Variants in KLHL3 observed in about 807,000 individuals in gnomAD.
KLHL3 encodes kelch-like protein 3.
KLHL3 carries 19 observed loss-of-function variants against 70.5 expected under a neutral mutation model. The ratio of observed to expected loss-of-function variants is 0.27; its 90% CI spans 0.19 to 0.40. The LOEUF (loss-of-function observed/expected upper bound fraction) is 0.40, where lower values mean the gene tolerates loss of function less well. Ranked by LOEUF, KLHL3 falls within the 10% of genes least tolerant of loss-of-function variation. The probability of loss-of-function intolerance (pLI) is 1.00; values close to 1 mark genes in which losing one functional copy is unlikely to be tolerated. For synonymous variants in KLHL3, 258 were observed against 290.3 expected, an observed-to-expected ratio of 0.89 and a Z score of 1.13; for missense variants, 512 against 771.1, an observed-to-expected ratio of 0.66 and a Z score of 3.98.
chr5:137,634,234 C>A (rs1750713063), intron 11 of KLHL3, 69 bp from the exon 12 acceptor site: 1 of 1,509,956 alleles, frequency 6.6e-7, no homozygotes, highest in Non-Finnish European at 8.9e-7. Context: ...CAGCTGAAAC[C>A]CTATCTGCAA....
rs192213699 is a variant in KLHL3 at position 137,619,747 on chromosome 5, G to C, written c.*2351C>G. On this transcript the variant is annotated 3_prime_UTR_variant, in exon 15 of 15. Coordinates refer to ENST00000309755, the MANE Select transcript of KLHL3 (RefSeq NM_017415.3). ...CATGGCCTTGGCAGCACGCCCAGTA[G>C]AGGCAGTGCTTTGTAGGGAGGGAGA... 120 of 152,836 alleles carry C rather than the reference G, an allele frequency of 7.9e-4. 2 individuals are homozygous for C. Among genetic ancestry groups the C allele is most frequent in the Non-Finnish European group, 4.3e-4 (29 of 68,088 alleles). 9.5% of individuals were successfully genotyped at this position (152,836 alleles called of 1,614,324 possible). A position where few individuals can be genotyped will look rare whatever the true frequency, so the allele number is the denominator to read the frequency against.
Position 137,706,298 on chromosome 5 carries a change from C to G in KLHL3, c.241+3452G>C, listed in dbSNP as rs1382260783. 1.2e-5 allele frequency: 12 copies of G among 985,450 alleles called. No individual in the cohort carries two copies. The East Asian group carries it at 1.4e-3, about 112-fold the overall frequency. 61.0% of individuals were successfully genotyped at this position (985,450 alleles called of 1,614,324 possible). The stretch of plus-strand genomic sequence containing the variant: ...ATCTAACGAGAGTCAGCCTCTTACT[C>G]TCAGTACACAATGCATTTTACACGT... On this transcript the variant is annotated intron_variant, in intron 3 of 14. Coordinates refer to ENST00000309755, the MANE Select transcript of KLHL3 (RefSeq NM_017415.3).
Position 137,628,344 on chromosome 5 carries a change from T to G in KLHL3, c.1544A>C (p.Asn515Thr). The change falls in exon 13 of 15, where the codon AAT becomes ACT. Residue 515 changes from asparagine to threonine, a missense_variant. Asn to Thr is a moderately conservative substitution (Grantham distance 65, BLOSUM62 0). Coordinates refer to ENST00000309755, the MANE Select transcript of KLHL3 (RefSeq NM_017415.3). ...KSVEVYDPGT[N>T]TWKQVADMNM... ...CATGTCTGCCACTTGCTTCCAGGTA[T>G]TTGTTCCAGGATCGTAAACCTCAAC... 6.2e-7 allele frequency: 1 copy of G among 1,614,050 alleles called. No homozygotes were observed. The highest frequency in any genetic ancestry group is 8.5e-7 in the Non-Finnish European group (1 of 1,179,988).
intron 8 of KLHL3, among the ~76,000 whole-genome samples, chr5:137,641,685 T>C (rs551356913): frequency 1.3e-5 from 2 of 152,250 alleles, no homozygotes; most frequent in African/African-American, 4.8e-5. Context: ...AGATCAACCA[T>C]TTATTCCCCA....
At chr5:137,703,801 T>C (rs540140301) in intron 3 of KLHL3, among the ~76,000 whole-genome samples, 2 of 152,040 alleles carry the variant, frequency 1.3e-5, no homozygotes, top group South Asian at 2.1e-4. Context: ...TGGAAATATC[T>C]TTCTGCTCAA....
chr5:137,640,074 G>T, intron 8 of KLHL3, 97 bp from the exon 9 acceptor site: 1 of 940,598 alleles, frequency 1.1e-6, no homozygotes, highest in Non-Finnish European at 1.7e-6. Flanking sequence ...AGGGTGTGTG[G>T]ATGATCTGAG....
At position 137,677,525 on chromosome 5, in the gene KLHL3, C is replaced by T. The variant is rs1279570661; in HGVS notation, c.636+20G>A. 1 of 1,441,248 alleles carries T rather than the reference C, an allele frequency of 6.9e-7. No individual in the cohort carries two copies. The highest frequency in any genetic ancestry group is 1.4e-5 in the African/African-American group (1 of 70,104). 89.3% of individuals were successfully genotyped at this position (1,441,248 alleles called of 1,614,324 possible). A position where few individuals can be genotyped will look rare whatever the true frequency, so the allele number is the denominator to read the frequency against. On this transcript the variant is annotated intron_variant, in intron 6 of 14. Coordinates refer to ENST00000309755, the MANE Select transcript of KLHL3 (RefSeq NM_017415.3). ...ACCTGACGAGTGAGGTTCCCGTTTC[C>T]CCAGTGAGCCATGTCATACCTTCTC... is the stretch of plus-strand genomic sequence containing the variant.
chr5:137,732,807 T>G (rs1753201072), intron 1 of KLHL3, among the ~76,000 whole-genome samples: 1 of 152,210 alleles, frequency 6.6e-6, no homozygotes, highest in Non-Finnish European at 1.5e-5. Flanking sequence ...TTGTACCATT[T>G]AATCTTCACA....
intron 13 of KLHL3, among the ~76,000 whole-genome samples, chr5:137,627,614 C>G (rs1750510084): frequency 6.6e-6 from 1 of 152,046 alleles, no homozygotes; most frequent in Non-Finnish European, 1.5e-5. Context: ...TAAGCCAACA[C>G]TTTCCTAAAG....
At chr5:137,665,109 T>TG (rs1426453886) in intron 6 of KLHL3, among the ~76,000 whole-genome samples, 1 of 152,218 alleles carries the variant, frequency 6.6e-6, no homozygotes, top group South Asian at 2.1e-4. Context: ...GACAACTCTA[T>TG]GTTTGCAACA....
At chr5:137,654,527 C>T (rs13172256) in intron 8 of KLHL3, among the ~76,000 whole-genome samples, 53,630 of 152,056 alleles carry the variant, frequency 0.35, 10,173 homozygotes, top group East Asian at 0.54. Flanking sequence ...TCATTTCCCT[C>T]AGCATACCCT....
At chr5:137,651,891 C>A (rs1004890254) in intron 8 of KLHL3, among the ~76,000 whole-genome samples, 1 of 152,058 alleles carries the variant, frequency 6.6e-6, no homozygotes, top group Non-Finnish European at 1.5e-5. Flanking sequence ...CAGAAATAGA[C>A]GAACACATAT....
intron 10 of KLHL3, 77 bp from the exon 11 acceptor site, chr5:137,637,472 G>T: frequency 7.7e-7 from 1 of 1,303,168 alleles, no homozygotes; most frequent in Non-Finnish European, 1.1e-6. Flanking sequence ...GAGGATGGGG[G>T]AGGAGTCCAA....
intron 3 of KLHL3, chr5:137,706,287 A>G: frequency 2.0e-6 from 2 of 985,484 alleles, no homozygotes; most frequent in Non-Finnish European, 2.4e-6. Context: ...AACGAGAGTC[A>G]GCCTCTTACT....
chr5:137,622,660 C>T (rs1750342875), intron 14 of KLHL3, among the ~76,000 whole-genome samples: 1 of 152,214 alleles, frequency 6.6e-6, no homozygotes, highest in Admixed American at 6.5e-5. Context: ...GCTCAGTTCC[C>T]ACACAAATGT....
chr5:137,651,897 C>T (rs1751210712), intron 8 of KLHL3, among the ~76,000 whole-genome samples: 1 of 152,132 alleles, frequency 6.6e-6, no homozygotes, highest in African/African-American at 2.4e-5. Flanking sequence ...TAGACGAACA[C>T]ATATACAGTC....
chr5:137,621,759 T>C lies in KLHL3; in HGVS notation c.*339A>G, dbSNP rs1750307714. 3.4e-6 allele frequency: 1 copy of C among 293,030 alleles called. No individual in the cohort carries two copies. The highest frequency in any genetic ancestry group is 5.7e-5 in the East Asian group (1 of 17,644). 18.2% of individuals were successfully genotyped at this position (293,030 alleles called of 1,614,324 possible). A position where few individuals can be genotyped will look rare whatever the true frequency, so the allele number is the denominator to read the frequency against. On this transcript the variant is annotated 3_prime_UTR_variant, in exon 15 of 15. Transcript: ENST00000309755. The stretch of plus-strand genomic sequence containing the variant: ...GCTCACCCCCCAACTTAGAGAAACA[T>C]AGAGAAACACCATGGTCTACACACA...
chr5:137,662,867 C>T (rs1751516478), intron 6 of KLHL3, among the ~76,000 whole-genome samples: 1 of 152,140 alleles, frequency 6.6e-6, no homozygotes, highest in South Asian at 2.1e-4. Context: ...AAAAATACCA[C>T]TTCTAGAGCT....
At chr5:137,708,503 T>A (rs751718017) in intron 3 of KLHL3, among the ~76,000 whole-genome samples, 3 of 152,170 alleles carry the variant, frequency 2.0e-5, no homozygotes, top group Non-Finnish European at 4.4e-5. Context: ...CACAGTCAGG[T>A]GCAGGAGATA....
Sources: allele counts gnomAD v4.1 joint callset (sites outside exome capture counted in the v4.1 genomes callset), GRCh38; gene constraint gnomAD v4.1.1; transcripts MANE v1.5; gene names NCBI Gene and HGNC (gene_info 2026-07-23, HGNC 2026-07-21).